The following CHN2 variants were observed in gnomAD, a reference collection of about 807,000 sequenced individuals.
The protein encoded by CHN2 is chimerin 2.
In CHN2, 35 loss-of-function variants were observed where a neutral mutation model predicts 56.3. That is an observed-to-expected ratio of 0.62 (90% CI 0.47 to 0.82). The LOEUF (loss-of-function observed/expected upper bound fraction) is 0.82. Among genes scored for constraint, CHN2 ranks in the 40% least tolerant of loss-of-function variants. The pLI is 0.00. For synonymous variants in CHN2, 210 were observed against 212.8 expected (o/e 0.99, Z 0.12); for missense variants, 491 against 580.5 (o/e 0.85, Z 1.58).
chr7:29,344,941 G>C (rs1178935702), intron 1 of CHN2, among the ~76,000 whole-genome samples: 1 of 152,196 alleles, frequency 6.6e-6, no homozygotes, highest in Non-Finnish European at 1.5e-5. Context: ...ACCCTCAGAA[G>C]AATGCAAGTT....
intron 1 of CHN2, among the ~76,000 whole-genome samples, chr7:29,279,302 C>T (rs1268180089): frequency 6.6e-6 from 1 of 152,210 alleles, no homozygotes; most frequent in Non-Finnish European, 1.5e-5. Flanking sequence ...CTTATCATCC[C>T]TCACGCGGCA....
chr7:29,488,526 TAAAC>T (rs745641525), intron 7 of CHN2, among the ~76,000 whole-genome samples: 31 of 152,128 alleles, frequency 2.0e-4, no homozygotes, highest in South Asian at 6.2e-4. Flanking sequence ...ATAAAGTAGC[TAAAC>T]AAACAAACAA....
At chr7:29,453,029 A>C (rs1189704161) in intron 6 of CHN2, among the ~76,000 whole-genome samples, 1 of 152,232 alleles carries the variant, frequency 6.6e-6, no homozygotes, top group Non-Finnish European at 1.5e-5. Context: ...GCAGACTATA[A>C]AATGCTAGCT....
At chr7:29,260,999 AT>A (rs1584897251) in intron 1 of CHN2, among the ~76,000 whole-genome samples, 6 of 152,138 alleles carry the variant, frequency 3.9e-5, no homozygotes, top group Admixed American at 3.9e-4. Flanking sequence ...TTAGAACATG[AT>A]TTTTTAATGC....
chr7:29,438,137 A>G lies in CHN2; in HGVS notation c.576+37309A>G, dbSNP rs144713303. 6.1e-3 allele frequency among the ~76,000 whole-genome samples: 924 copies of G among 152,360 alleles called. 6 individuals are homozygous for G. Among genetic ancestry groups the G allele is most frequent in the African/African-American group, 0.019 (774 of 41,580 alleles). On this transcript the variant is annotated intron_variant, in intron 6 of 12. Transcript: ENST00000222792. ...GAAAAAGGACAGTCAATGAAGGGGT[A>G]AGACACAGAGCAGCGTGCAACTCTA...
chr7:29,277,390 T>C (rs999219050), intron 1 of CHN2, among the ~76,000 whole-genome samples: 8 of 152,152 alleles, frequency 5.3e-5, no homozygotes, highest in Admixed American at 1.3e-4. Context: ...CATACTGGCA[T>C]GAAGGCAGGA....
chr7:29,391,346 A>C (rs879366842), intron 3 of CHN2, among the ~76,000 whole-genome samples: 1 of 22,650 alleles, frequency 4.4e-5, no homozygotes, highest in South Asian at 1.2e-3. Flanking sequence ...AGAGGAAGGG[A>C]GGGGAGGGGA....
chr7:29,167,141 A>C (rs1796023103), intron 2 of CHN2, among the ~76,000 whole-genome samples: 1 of 152,210 alleles, frequency 6.6e-6, no homozygotes, highest in South Asian at 2.1e-4. Context: ...ATACACTCAA[A>C]GTGTACTCAA....
In CHN2 at chr7:29,299,482, G is replaced by C. The variant is rs563116868; in HGVS notation, c.50-55143G>C. Among the ~76,000 whole-genome samples, 3 of 152,154 alleles carry C rather than the reference G, an allele frequency of 2.0e-5. No homozygotes were observed. The East Asian group carries it at 5.8e-4, about 29-fold the overall frequency. ...TGTTCTAGTACTTTCAGAAATTTTT[G>C]CTCACTGTATCCAGCAACACCGCCT... is the stretch of plus-strand genomic sequence containing the variant. On this transcript the variant is annotated intron_variant, in intron 1 of 12. Coordinates refer to ENST00000222792, the MANE Select transcript of CHN2 (RefSeq NM_004067.4).
intron 1 of CHN2, among the ~76,000 whole-genome samples, chr7:29,261,117 T>C (rs555856527): frequency 3.3e-5 from 5 of 152,200 alleles, no homozygotes; most frequent in Non-Finnish European, 7.3e-5. Flanking sequence ...TCTTCAGGAA[T>C]TCTCTATCCA....
Position 29,273,326 on chromosome 7 carries a change from C to A in CHN2, c.49+78336C>A, listed in dbSNP as rs1166430502. ...TAAGGCTGAATAATATTCCATCATG[C>A]ATATATATATATATGTGTATATATA... is the stretch of plus-strand genomic sequence containing the variant. On this transcript the variant is annotated intron_variant, in intron 1 of 12. Transcript: ENST00000222792. Among the ~76,000 whole-genome samples, 49 of 79,792 alleles carry A rather than the reference C, an allele frequency of 6.1e-4. 2 individuals are homozygous for A. The highest frequency in any genetic ancestry group is 2.5e-3 in the African/African-American group (47 of 18,752). The allele number at this position is 79,792 out of a possible 152,430, so 52.3% of individuals were successfully genotyped here.
At chr7:29,252,720 CGAGTA>C (rs1788730687) in intron 1 of CHN2, among the ~76,000 whole-genome samples, 1 of 127,692 alleles carries the variant, frequency 7.8e-6, no homozygotes, top group Non-Finnish European at 1.5e-5. Flanking sequence ...CTCAGCCTCC[CGAGTA>C]GCTGGGACTA....
rs1156832376 is a variant in CHN2 at position 29,195,645 on chromosome 7, TGTGTGAGAGA to T, written c.49+657_49+666del. ...GAGAGAGAGAGTGTGTGTGTGTGTG[TGTGTGAGAGA>T]GAGAGAGAGAGAGACTCCTTAGAGA... On this transcript the variant is annotated intron_variant, in intron 1 of 12. Transcript: ENST00000222792. Among the ~76,000 whole-genome samples the T allele has an allele frequency of 1.0e-3, 134 of 129,124 alleles. 1 individual carries two copies. Among genetic ancestry groups the T allele is most frequent in the African/African-American group, 3.8e-3 (126 of 32,794 alleles). 84.7% of individuals were successfully genotyped at this position (129,124 alleles called of 152,430 possible).
chr7:29,240,564 T>C (rs1240845620), intron 1 of CHN2, among the ~76,000 whole-genome samples: 1 of 152,198 alleles, frequency 6.6e-6, no homozygotes, highest in Non-Finnish European at 1.5e-5. Flanking sequence ...TATTTTACTA[T>C]GTGCTGTGTG....
At position 29,179,985 on chromosome 7, in the gene CHN2, A is replaced by G. The variant is rs375479980; in HGVS notation, c.274+33025A>G. 5.3e-5 allele frequency among the ~76,000 whole-genome samples: 8 copies of G among 152,342 alleles called. No individual in the cohort carries two copies. The East Asian group carries it at 7.7e-4, about 15-fold the overall frequency. On this transcript the variant is annotated intron_variant, in intron 2 of 6. Coordinates refer to the CHN2 transcript ENST00000439384. ...TTTGCTATTTGTCTTGTATTTTCAA[A>G]TGATTATATTTCCCTGCAGACAGTG...
intron 1 of CHN2, chr7:29,200,599 A>G (rs1055133429): frequency 6.6e-6 from 1 of 151,272 alleles, no homozygotes; most frequent in African/African-American, 2.4e-5. Context: ...TCCTCTAGGC[A>G]CCTTCCTGCT....
At chr7:29,367,012 T>A (rs1418188393) in intron 2 of CHN2, among the ~76,000 whole-genome samples, 1 of 152,210 alleles carries the variant, frequency 6.6e-6, no homozygotes, top group Non-Finnish European at 1.5e-5. Context: ...TTTTAACTTT[T>A]TGTAGATTTA....
intron 6 of CHN2, among the ~76,000 whole-genome samples, chr7:29,467,640 G>T (rs1166600764): frequency 6.6e-6 from 1 of 152,294 alleles, no homozygotes; most frequent in East Asian, 1.9e-4. Flanking sequence ...ACACTCTAGT[G>T]GGGGACAGAT....
At chr7:29,298,341 C>T (rs140748716) in intron 1 of CHN2, among the ~76,000 whole-genome samples, 5 of 152,104 alleles carry the variant, frequency 3.3e-5, no homozygotes, top group Non-Finnish European at 5.9e-5. Context: ...CCCCCTCCCC[C>T]GCGACCAGGG....
Sources: gnomAD v4.1 joint callset for allele counts (sites outside exome capture counted in the v4.1 genomes callset) on GRCh38, gnomAD v4.1.1 for gene constraint, MANE v1.5 for transcripts, NCBI Gene and HGNC (gene_info 2026-07-23, HGNC 2026-07-21) for gene names.